The following PTPN14 variants were observed in gnomAD, a reference collection of about 807,000 sequenced individuals.
PTPN14 encodes the protein protein tyrosine phosphatase non-receptor type 14, also known as tyrosine-protein phosphatase non-receptor type 14.
In PTPN14, 53 loss-of-function variants were observed where a neutral mutation model predicts 126.8. The observed-to-expected ratio is 0.42, with a 90% CI of 0.34 to 0.53. The LOEUF is 0.53. Ranked by LOEUF, PTPN14 falls within the 20% of genes least tolerant of loss-of-function variation. PTPN14 has a pLI of 0.08. For missense variants in PTPN14, 1,257 were observed against 1,552.9 expected, an observed-to-expected ratio of 0.81 and a Z score of 3.20; for synonymous variants, 630 against 599.3, an observed-to-expected ratio of 1.05 and a Z score of -0.75.
chr1:214,411,019 A>C (rs927869080), intron 5 of PTPN14, among the ~76,000 whole-genome samples: 2 of 152,146 alleles, frequency 1.3e-5, no homozygotes, highest in Admixed American at 1.3e-4. Context: ...GGATTGCATT[A>C]ATTTGTAGAT....
chr1:214,447,318 T>G (rs1292126513), intron 3 of PTPN14, among the ~76,000 whole-genome samples: 1 of 152,076 alleles, frequency 6.6e-6, no homozygotes, highest in East Asian at 1.9e-4. Context: ...TCCCAAAGGC[T>G]CTTAAGGACT....
chr1:214,490,450 T>C (rs553467980), intron 1 of PTPN14, among the ~76,000 whole-genome samples: 2 of 152,308 alleles, frequency 1.3e-5, no homozygotes, highest in African/African-American at 2.4e-5. Context: ...CAACAAAGCA[T>C]CTTTGGCTAT....
At position 214,355,903 on chromosome 1, in the gene PTPN14, C is replaced by A. The variant is rs1657808113; in HGVS notation, c.*2019G>T. 6.6e-6 allele frequency: 1 copy of A among 151,516 alleles called. No homozygotes were observed. Among genetic ancestry groups the A allele is most frequent in the Non-Finnish European group, 1.5e-5 (1 of 67,912 alleles). The allele number at this position is 151,516 out of a possible 1,614,324, so 9.4% of individuals were successfully genotyped here. A position where few individuals can be genotyped will look rare whatever the true frequency, so the allele number is the denominator to read the frequency against. On this transcript the variant is annotated 3_prime_UTR_variant, in exon 19 of 19. Transcript: ENST00000366956. Reference sequence around the variant, plus strand: ...CAGCAGTCAATTCTAAGAAAAAAAACTGCAATTAAATTTTCCTTTCTCCTA... The same window carrying A: ...CAGCAGTCAATTCTAAGAAAAAAAAATGCAATTAAATTTTCCTTTCTCCTA...
At chr1:214,358,310 A>G (rs554542959) in intron 18 of PTPN14, among the ~76,000 whole-genome samples, 1 of 152,338 alleles carries the variant, frequency 6.6e-6, no homozygotes, top group South Asian at 2.1e-4. Context: ...TGTGTCACCC[A>G]GGCTGGAGTA....
chr1:214,365,121 C>T (rs1414459905), intron 17 of PTPN14, among the ~76,000 whole-genome samples: 1 of 152,122 alleles, frequency 6.6e-6, no homozygotes, highest in Non-Finnish European at 1.5e-5. Flanking sequence ...AGAGAGCATC[C>T]ATCTGCCCCT....
chr1:214,368,196 T>TTTTTTTAATTTATTTATTTA (rs1553258933), intron 17 of PTPN14, among the ~76,000 whole-genome samples: 133 of 146,324 alleles, frequency 9.1e-4, no homozygotes, highest in African/African-American at 3.3e-3. Flanking sequence ...TGTTATTCGT[T>TTTTTTTAATTTATTTATTTA]TTTATTTATT....
At chr1:214,379,210 T>C (rs1658415075) in intron 13 of PTPN14, among the ~76,000 whole-genome samples, 1 of 152,228 alleles carries the variant, frequency 6.6e-6, no homozygotes, top group African/African-American at 2.4e-5. Context: ...AATTTGCAGA[T>C]TCATTTGACT....
rs1020337253 is a variant in PTPN14, at chr1:214,350,411, T to C, written c.*7511A>G. On this transcript the variant is annotated 3_prime_UTR_variant, in exon 19 of 19. Transcript: ENST00000366956. ...TGTCATCATTGTTTTAAACAGAGCG[T>C]CTTTCATTTTTTCTAATAGTGACTG... is the stretch of plus-strand genomic sequence containing the variant. 1 of 152,186 alleles carries C rather than the reference T, an allele frequency of 6.6e-6. No individual in the cohort carries two copies. Among genetic ancestry groups the C allele is most frequent in the African/African-American group, 2.4e-5 (1 of 41,430 alleles). The allele number at this position is 152,186 out of a possible 1,614,324, so 9.4% of individuals were successfully genotyped here. A position where few individuals can be genotyped will look rare whatever the true frequency, so the allele number is the denominator to read the frequency against.
chr1:214,358,131 C>T, intron 18 of PTPN14, 81 bp from the exon 19 acceptor site: 2 of 1,514,702 alleles, frequency 1.3e-6, no homozygotes, highest in South Asian at 2.6e-5. Context: ...ATTCAGGAAG[C>T]ACTCACCCAC....
rs1350249228 is a variant in PTPN14 at position 214,378,004 on chromosome 1, C to T, written c.2643G>A (p.Arg881=). 6.2e-7 allele frequency: 1 copy of T among 1,608,944 alleles called. No individual in the cohort carries two copies. The highest frequency in any genetic ancestry group is 1.1e-5 in the South Asian group (1 of 90,690). ...GGGTGGCATCAACTCGATTCTCTTCCCGCCCTGAGACTCGAGCCACCGAGA... is the reference window on the plus strand; with the variant it reads ...GGGTGGCATCAACTCGATTCTCTTCTCGCCCTGAGACTCGAGCCACCGAGA... ...NGLSVARVSG[R]EENRVDATRV... Residue 881 remains arginine (R), a synonymous_variant, in exon 14 of 19, where the codon CGG becomes CGA. Transcript: ENST00000366956.
At chr1:214,523,167 C>T (rs769844663) in intron 1 of PTPN14, among the ~76,000 whole-genome samples, 4 of 151,500 alleles carry the variant, frequency 2.6e-5, no homozygotes, top group Non-Finnish European at 5.9e-5. Flanking sequence ...TTTATAGAGG[C>T]AGTGCCCTTG....
intron 3 of PTPN14, among the ~76,000 whole-genome samples, chr1:214,431,165 G>A (rs1239587028): frequency 6.6e-6 from 1 of 152,192 alleles, no homozygotes; most frequent in Non-Finnish European, 1.5e-5. Context: ...CAAAAAGGAA[G>A]ACAGAGGCTT....
intron 1 of PTPN14, among the ~76,000 whole-genome samples, chr1:214,521,629 C>G (rs116484305): frequency 6.6e-6 from 1 of 151,982 alleles, no homozygotes; most frequent in African/African-American, 2.4e-5. Context: ...ACAGGAGAAC[C>G]GCCTGAACCA....
At chr1:214,427,181 G>A (rs1659686562) in intron 3 of PTPN14, among the ~76,000 whole-genome samples, 1 of 149,474 alleles carries the variant, frequency 6.7e-6, no homozygotes, top group African/African-American at 2.5e-5. Flanking sequence ...GGGAGGCTAA[G>A]GCAGGAGAAT....
intron 3 of PTPN14, among the ~76,000 whole-genome samples, chr1:214,416,710 G>A (rs921677153): frequency 6.6e-6 from 1 of 152,216 alleles, no homozygotes; most frequent in Non-Finnish European, 1.5e-5. Flanking sequence ...CTATTACCAC[G>A]AGATTGTGGG....
intron 17 of PTPN14, among the ~76,000 whole-genome samples, chr1:214,366,265 T>C (rs1333407925): frequency 4.6e-5 from 7 of 152,170 alleles, no homozygotes; most frequent in African/African-American, 1.7e-4. Flanking sequence ...CTAGATATTG[T>C]GTGTGGAATC....
intron 1 of PTPN14, among the ~76,000 whole-genome samples, chr1:214,511,915 C>G (rs1248708886): frequency 1.3e-5 from 2 of 151,866 alleles, no homozygotes; most frequent in Admixed American, 6.6e-5. Flanking sequence ...TTTTTAGATT[C>G]TATAATTCTC....
chr1:214,370,212 G>A (rs1045393769), intron 16 of PTPN14, among the ~76,000 whole-genome samples: 2 of 151,668 alleles, frequency 1.3e-5, no homozygotes, highest in Non-Finnish European at 2.9e-5. Flanking sequence ...CCCGGGAGGC[G>A]GAGCTTGCAG....
chr1:214,373,080 A>T (rs1055423663), intron 15 of PTPN14, among the ~76,000 whole-genome samples: 13 of 152,142 alleles, frequency 8.5e-5, no homozygotes, highest in Non-Finnish European at 4.4e-5. Context: ...TTTGAGACTG[A>T]GTCTTGCTCT....
Sources: allele counts gnomAD v4.1 joint callset (sites outside exome capture counted in the v4.1 genomes callset), GRCh38; gene constraint gnomAD v4.1.1; transcripts MANE v1.5; gene names NCBI Gene and HGNC (gene_info 2026-07-23, HGNC 2026-07-21).